The following SLC25A48 variants were observed in gnomAD, a reference collection of about 807,000 sequenced individuals.
SLC25A48 encodes the protein CTC-321K16.1.
SLC25A48 carries 29 observed loss-of-function variants against 32.2 expected under a neutral mutation model. That is an observed-to-expected ratio of 0.90 (90% CI 0.67 to 1.23). The LOEUF is 1.23. SLC25A48 is among the 50% of genes most tolerant of loss of function. The pLI is 0.00. For missense variants in SLC25A48, 399 were observed against 422.7 expected (o/e 0.94, Z 0.49); for synonymous variants, 164 against 172.3 (o/e 0.95, Z 0.38).
intron 3 of SLC25A48, among the ~76,000 whole-genome samples, chr5:135,672,601 A>C (rs951456137): frequency 2.6e-5 from 4 of 152,204 alleles, no homozygotes; most frequent in African/African-American, 9.6e-5. Flanking sequence ...GGAGGTTCAC[A>C]GGAAAGTGTG....
intron 3 of SLC25A48, among the ~76,000 whole-genome samples, chr5:135,663,949 G>A (rs925610066): frequency 2.0e-5 from 3 of 152,160 alleles, no homozygotes; most frequent in African/African-American, 4.8e-5. Context: ...CCTCCACCAC[G>A]CACATGGGTC....
intron 3 of SLC25A48, among the ~76,000 whole-genome samples, chr5:135,758,604 C>T (rs1025493930): frequency 6.6e-6 from 1 of 150,570 alleles, no homozygotes; most frequent in African/African-American, 2.4e-5. Context: ...AGTGTTAACA[C>T]ACTATTATAT....
At chr5:135,685,034 G>A (rs1248129670) in intron 3 of SLC25A48, among the ~76,000 whole-genome samples, 2 of 152,136 alleles carry the variant, frequency 1.3e-5, no homozygotes, top group Admixed American at 6.5e-5. Context: ...CAGTGTATGA[G>A]CTTGTCTGTT....
At chr5:135,887,567 T>A (rs374875353) in intron 7 of SLC25A48, among the ~76,000 whole-genome samples, 1 of 151,704 alleles carries the variant, frequency 6.6e-6, no homozygotes, top group African/African-American at 2.4e-5. Flanking sequence ...GCAGTAGAGG[T>A]CAACTAAACC....
At chr5:135,697,423 C>T (rs374554236) in intron 3 of SLC25A48, among the ~76,000 whole-genome samples, 90 of 152,310 alleles carry the variant, frequency 5.9e-4, no homozygotes, top group African/African-American at 2.1e-3. Flanking sequence ...GTCACAGCTC[C>T]TTGAGTCAAG....
chr5:135,806,274 C>G (rs537971096), intron 3 of SLC25A48, among the ~76,000 whole-genome samples: 1 of 151,460 alleles, frequency 6.6e-6, no homozygotes, highest in Non-Finnish European at 1.5e-5. Flanking sequence ...GTGGCTATAA[C>G]GGATATCATG....
At position 135,850,318 on chromosome 5, in the gene SLC25A48, T is replaced by C. The variant is rs1188619471; in HGVS notation, c.91-107T>C. On this transcript the variant is annotated intron_variant, in intron 2 of 7. Transcript: ENST00000681962. The stretch of plus-strand genomic sequence containing the variant: ...GGCCAGGACTGAAACCCAGACCCTT[T>C]GCTGGCGGGGGTCACTATGAGCAGG... 2.6e-5 allele frequency: 29 copies of C among 1,122,410 alleles called. No homozygotes were observed. The Middle Eastern group carries it at 8.0e-4, about 31-fold the overall frequency. The allele number at this position is 1,122,410 out of a possible 1,614,324, so 69.5% of individuals were successfully genotyped here.
chr5:135,790,086 G>A (rs556948921), intron 3 of SLC25A48, among the ~76,000 whole-genome samples: 9 of 151,580 alleles, frequency 5.9e-5, no homozygotes, highest in Non-Finnish European at 8.8e-5. Context: ...GTGATATTAG[G>A]AGTAACATCT....
intron 3 of SLC25A48, among the ~76,000 whole-genome samples, chr5:135,706,074 G>C (rs1056525148): frequency 1.3e-5 from 2 of 152,150 alleles, no homozygotes; most frequent in African/African-American, 4.8e-5. Context: ...TTCAAAGAAA[G>C]CCTCTTCTCT....
intron 1 of SLC25A48, among the ~76,000 whole-genome samples, chr5:135,583,832 CTCTG>C (rs1201663967): frequency 6.6e-6 from 1 of 152,212 alleles, no homozygotes; most frequent in African/African-American, 2.4e-5. Flanking sequence ...CAGCTCCTCC[CTCTG>C]TCTGTTCACC....
chr5:135,726,887 T>C (rs369123427), intron 3 of SLC25A48, among the ~76,000 whole-genome samples: 1 of 152,220 alleles, frequency 6.6e-6, no homozygotes, highest in African/African-American at 2.4e-5. Flanking sequence ...AGAAACTGTT[T>C]CCCAGAGTGG....
chr5:135,768,629 A>AC (rs1355883237), intron 3 of SLC25A48, among the ~76,000 whole-genome samples: 3 of 150,816 alleles, frequency 2.0e-5, no homozygotes, highest in Non-Finnish European at 4.4e-5. Flanking sequence ...GGGATTGTTG[A>AC]CCCCCCTGTT....
intron 7 of SLC25A48, among the ~76,000 whole-genome samples, chr5:135,883,958 A>G (rs1762633420): frequency 6.6e-6 from 1 of 152,168 alleles, no homozygotes; most frequent in South Asian, 2.1e-4. Flanking sequence ...GCCCACAACA[A>G]GCATTCCTAG....
chr5:135,664,567 T>C (rs945966566), intron 3 of SLC25A48, among the ~76,000 whole-genome samples: 1 of 152,244 alleles, frequency 6.6e-6, no homozygotes, highest in African/African-American at 2.4e-5. Context: ...CAATATACAG[T>C]TTTTTATTCC....
chr5:135,772,261 G>T (rs1274288730), intron 3 of SLC25A48, among the ~76,000 whole-genome samples: 1 of 151,030 alleles, frequency 6.6e-6, no homozygotes, highest in African/African-American at 2.4e-5. Context: ...TAATATCAAG[G>T]GGGGAGAGAG....
intron 4 of SLC25A48, among the ~76,000 whole-genome samples, chr5:135,861,313 GCACACACA>G (rs10561751): frequency 1.0e-4 from 15 of 145,794 alleles, no homozygotes; most frequent in African/African-American, 2.7e-4. Flanking sequence ...AAATACACAC[GCACACACA>G]CACACACACA....
intron 3 of SLC25A48, among the ~76,000 whole-genome samples, chr5:135,746,078 C>G (rs1755631684): frequency 6.6e-6 from 1 of 152,154 alleles, no homozygotes; most frequent in Admixed American, 6.5e-5. Context: ...CAAGCTCCGC[C>G]CTCACGCTGC....
chr5:135,612,367 T>G (rs1752093933), intron 1 of SLC25A48, among the ~76,000 whole-genome samples: 1 of 152,326 alleles, frequency 6.6e-6, no homozygotes. Context: ...GTCTTGAGGA[T>G]TTATCATTTC....
intron 3 of SLC25A48, among the ~76,000 whole-genome samples, chr5:135,725,904 T>G (rs1264058992): frequency 6.6e-6 from 1 of 151,102 alleles, no homozygotes; most frequent in Non-Finnish European, 1.5e-5. Flanking sequence ...TCCACTGTGG[T>G]TATTTAATTG....
Sources: allele counts gnomAD v4.1 joint callset (sites outside exome capture counted in the v4.1 genomes callset), GRCh38; gene constraint gnomAD v4.1.1; transcripts MANE v1.5; gene names NCBI Gene and HGNC (gene_info 2026-07-23, HGNC 2026-07-21).